Variants in PPP3R1 observed in about 807,000 individuals in gnomAD.
PPP3R1 encodes the protein protein phosphatase 3 regulatory subunit B, alpha.
In PPP3R1, 5 loss-of-function variants were observed where a neutral mutation model predicts 22.6. That is an observed-to-expected ratio of 0.22 (90% CI 0.12 to 0.46). The LOEUF is 0.46. PPP3R1 is among the 20% of genes least tolerant of loss of function. The pLI is 0.99. For synonymous variants in PPP3R1, 56 were observed against 65.2 expected, an observed-to-expected ratio of 0.86 and a Z score of 0.68; for missense variants, 61 against 203.2, an observed-to-expected ratio of 0.30 and a Z score of 4.25.
intron 1 of PPP3R1, among the ~76,000 whole-genome samples, chr2:68,250,432 A>G (rs1437105048): frequency 6.6e-6 from 1 of 152,236 alleles, no homozygotes; most frequent in African/African-American, 2.4e-5. Flanking sequence ...ATAAACAACA[A>G]AAGGCTAGAT....
chr2:68,209,000 G>A (rs1669402101), intron 2 of PPP3R1, among the ~76,000 whole-genome samples: 1 of 151,342 alleles, frequency 6.6e-6, no homozygotes, highest in Non-Finnish European at 1.5e-5. Context: ...TGTAAATAGT[G>A]ATTGGGATGG....
rs1382079914 is a variant in PPP3R1, at chr2:68,187,323, G to A, written c.221-9C>T. On this transcript the variant is annotated splice_polypyrimidine_tract_variant and intron_variant, in intron 3 of 5. Coordinates refer to ENST00000234310, the MANE Select transcript of PPP3R1 (RefSeq NM_000945.4). ...GACGCCCTCAATGAATTCTGAATAA[G>A]AGTTAAAAATGTTCACAAATCAGAA... 1.2e-6 allele frequency: 2 copies of A among 1,605,230 alleles called. No individual in the cohort carries two copies. The highest frequency in any genetic ancestry group is 1.1e-5 in the South Asian group (1 of 89,504).
chr2:68,190,283 G>C (rs1025399088), intron 2 of PPP3R1, among the ~76,000 whole-genome samples: 3 of 133,606 alleles, frequency 2.2e-5, no homozygotes, highest in South Asian at 2.3e-4. Context: ...AAAAAAAAAA[G>C]GCCGGGTGCA....
intron 1 of PPP3R1, among the ~76,000 whole-genome samples, chr2:68,246,667 T>C (rs1157015259): frequency 6.6e-6 from 1 of 152,170 alleles, no homozygotes; most frequent in Non-Finnish European, 1.5e-5. Flanking sequence ...TGCTGCTCAT[T>C]TCCCAACTAT....
At chr2:68,186,372 G>T in intron 5 of PPP3R1, 96 bp downstream of exon 5, 1 of 1,257,162 alleles carries the variant, frequency 8.0e-7, no homozygotes, top group Non-Finnish European at 1.1e-6. Flanking sequence ...AAATACTTAA[G>T]TTTTTAGGAC....
chr2:68,250,949 G>A (rs1399505726), intron 1 of PPP3R1: 4 of 152,182 alleles, frequency 2.6e-5, no homozygotes, highest in Non-Finnish European at 4.4e-5. Context: ...TACATACAGG[G>A]TGGGATACCA....
intron 2 of PPP3R1, among the ~76,000 whole-genome samples, chr2:68,195,468 T>A (rs1188443451): frequency 6.6e-6 from 1 of 152,174 alleles, no homozygotes; most frequent in Non-Finnish European, 1.5e-5. Context: ...ATTTCTCCAC[T>A]ATAAATCTAC....
Position 68,252,352 on chromosome 2 carries a change from G to A in PPP3R1, c.-225C>T, listed in dbSNP as rs1291154339. 2.0e-6 allele frequency: 2 copies of A among 1,009,994 alleles called. No individual in the cohort carries two copies. Among genetic ancestry groups the A allele is most frequent in the Non-Finnish European group, 2.4e-6 (2 of 847,224 alleles). The allele number at this position is 1,009,994 out of a possible 1,614,324, so 62.6% of individuals were successfully genotyped here. ...GTAGGGGGAAATAAATTAAGGTCGA[G>A]ATTCAGAGCCGGAGAGCGCGGGAGG... On this transcript the variant is annotated 5_prime_UTR_variant, in exon 1 of 6. Transcript: ENST00000234310.
chr2:68,237,099 T>A (rs1006402301), intron 1 of PPP3R1, among the ~76,000 whole-genome samples: 2 of 151,666 alleles, frequency 1.3e-5, no homozygotes, highest in Non-Finnish European at 2.9e-5. Context: ...TTAAGTCACT[T>A]TTAGTTAGGT....
intron 2 of PPP3R1, among the ~76,000 whole-genome samples, chr2:68,215,438 G>A (rs576089863): frequency 7.9e-5 from 12 of 152,024 alleles, no homozygotes; most frequent in East Asian, 5.8e-4. Flanking sequence ...TGAAAGCTTC[G>A]GGCTCCAGAG....
At chr2:68,243,676 A>T (rs1299441624) in intron 1 of PPP3R1, among the ~76,000 whole-genome samples, 1 of 152,162 alleles carries the variant, frequency 6.6e-6, no homozygotes, top group Non-Finnish European at 1.5e-5. Flanking sequence ...TCGTTAAAGT[A>T]ACAACCTCTA....
chr2:68,195,354 A>G (rs762019276), intron 2 of PPP3R1, among the ~76,000 whole-genome samples: 2 of 152,154 alleles, frequency 1.3e-5, no homozygotes, highest in Non-Finnish European at 2.9e-5. Context: ...CACAGAAATG[A>G]TATTGTGTCC....
At chr2:68,205,335 C>G (rs1675096771) in intron 2 of PPP3R1, among the ~76,000 whole-genome samples, 2 of 150,890 alleles carry the variant, frequency 1.3e-5, no homozygotes, top group Admixed American at 6.6e-5. Context: ...CTCTGCCTCC[C>G]GGGTTCAAGC....
chr2:68,250,972 G>A (rs1257591644), intron 1 of PPP3R1: 1 of 152,224 alleles, frequency 6.6e-6, no homozygotes, highest in Non-Finnish European at 1.5e-5. Context: ...CAGTGGAAAA[G>A]ATGCGAGAAA....
rs1411493875 is a variant in PPP3R1 at position 68,225,497 on chromosome 2, C to T, written c.4-8366G>A. On this transcript the variant is annotated intron_variant, in intron 1 of 5. Transcript: ENST00000234310. ...TAACGTGAACAGCTTGGAAAGCAGA[C>T]TTCCCCAGAACCTCCACAGGAGAAC... Among the ~76,000 whole-genome samples the T allele has an allele frequency of 2.6e-5, 4 of 152,302 alleles. No homozygotes were observed. In the East Asian group the frequency reaches 7.7e-4, roughly 29 times the overall value.
At chr2:68,189,088 G>C (rs1382629728) in intron 2 of PPP3R1, among the ~76,000 whole-genome samples, 1 of 152,150 alleles carries the variant, frequency 6.6e-6, no homozygotes, top group Non-Finnish European at 1.5e-5. Context: ...ATCAACCTCT[G>C]TTCTGTAAAC....
At chr2:68,195,048 C>A (rs561079397) in intron 2 of PPP3R1, among the ~76,000 whole-genome samples, 35 of 152,182 alleles carry the variant, frequency 2.3e-4, no homozygotes, top group African/African-American at 8.2e-4. Context: ...TTTTTTCACT[C>A]ATGTATGTGG....
chr2:68,226,428 CA>C (rs1274071817), intron 1 of PPP3R1, among the ~76,000 whole-genome samples: 2 of 152,134 alleles, frequency 1.3e-5, no homozygotes, highest in Non-Finnish European at 2.9e-5. Flanking sequence ...AGTTTAGAAA[CA>C]ATCTCATCAC....
At chr2:68,239,239 A>G (rs887691416) in intron 1 of PPP3R1, among the ~76,000 whole-genome samples, 6 of 152,218 alleles carry the variant, frequency 3.9e-5, no homozygotes, top group African/African-American at 2.4e-5. Context: ...CTGTGTTCCT[A>G]TATTTTGAAT....
Sources: allele counts gnomAD v4.1 joint callset (sites outside exome capture counted in the v4.1 genomes callset), GRCh38; gene constraint gnomAD v4.1.1; transcripts MANE v1.5; gene names NCBI Gene and HGNC (gene_info 2026-07-23, HGNC 2026-07-21).